IL10RA: variants seen among roughly 807,000 people sequenced by gnomAD.
The protein encoded by IL10RA is interleukin 10 receptor subunit alpha, also known as interleukin-10 receptor subunit alpha.
Under a neutral mutation model 29.6 loss-of-function variants are expected in IL10RA, and 18 were observed. That is an observed-to-expected ratio of 0.61 (90% confidence interval 0.42 to 0.90). IL10RA has a LOEUF of 0.90. Ranked by LOEUF, IL10RA falls within the 40% of genes least tolerant of loss-of-function variation. The pLI, the probability that IL10RA is intolerant of heterozygous loss-of-function variation, is 0.00. For synonymous variants in IL10RA, 292 were observed against 294.1 expected, an observed-to-expected ratio of 0.99 and a Z score of 0.07; for missense variants, 634 against 716.6, an observed-to-expected ratio of 0.88 and a Z score of 1.32.
At position 117,995,702 on chromosome 11, in the gene IL10RA, A is replaced by G. The variant is rs2058051810; in HGVS notation, c.802A>G (p.Ser268Gly). The change falls in exon 6 of 7, where the codon AGT becomes GGT. Residue 268 changes from serine (S) to glycine (G), a missense_variant. Physicochemically the swap from Ser to Gly is moderately conservative, Grantham distance 56 (BLOSUM62 0). Coordinates refer to ENST00000227752, the MANE Select transcript of IL10RA (RefSeq NM_001558.4). ...LYVRRRKKLP[S>G]VLLFKKPSPF... Reference sequence around the variant, plus strand: ...TGTGCGGCGCCGAAAGAAGCTACCCAGTGTCCTGGTGAGTCTTGCAAGGAG... The same window carrying G: ...TGTGCGGCGCCGAAAGAAGCTACCCGGTGTCCTGGTGAGTCTTGCAAGGAG... 1 of 1,613,486 alleles carries G rather than the reference A, an allele frequency of 6.2e-7. No homozygotes were observed. Among genetic ancestry groups the G allele is most frequent in the African/African-American group, 1.3e-5 (1 of 75,016 alleles).
Position 117,989,344 on chromosome 11 carries a change from C to A in IL10RA, c.189-98C>A. ...GCCTGAGGGCTGTCCCAGTTTCTCC[C>A]AATGTGGGAGCTCTCTTCCTGGCCT... On this transcript the variant is annotated intron_variant, in intron 2 of 6. Transcript: ENST00000227752. The surrounding 1 kb of genome is among the most constrained non-coding windows in gnomAD (Gnocchi z 4.5). 9.1e-7 allele frequency: 1 copy of A among 1,093,538 alleles called. No individual in the cohort carries two copies. The highest frequency in any genetic ancestry group is 2.4e-5 in the East Asian group (1 of 42,488). The allele number at this position is 1,093,538 out of a possible 1,614,324, so 67.7% of individuals were successfully genotyped here. A position where few individuals can be genotyped will look rare whatever the true frequency, so the allele number is the denominator to read the frequency against.
intron 5 of IL10RA, chr11:117,995,221 C>T: frequency 5.5e-6 from 2 of 363,522 alleles, no homozygotes; most frequent in Non-Finnish European, 1.1e-5. Context: ...AATTTGTCCA[C>T]AATTGCACAG....
Position 118,000,992 on chromosome 11 carries a change from C to T in IL10RA, c.*1351C>T, listed in dbSNP as rs1330302339. 6.6e-6 allele frequency: 3 copies of T among 454,180 alleles called. No homozygotes were observed. Among genetic ancestry groups the T allele is most frequent in the Non-Finnish European group, 8.8e-6 (2 of 226,772 alleles). The allele number at this position is 454,180 out of a possible 1,614,324, so 28.1% of individuals were successfully genotyped here. On this transcript the variant is annotated 3_prime_UTR_variant, in exon 7 of 7. Transcript: ENST00000227752. Reference sequence around the variant, plus strand: ...GAAGCTGTGAGGGGACAGGCCTGTGCGTGCCATCCAGAGTCATCTCAGCCC... The same window carrying T: ...GAAGCTGTGAGGGGACAGGCCTGTGTGTGCCATCCAGAGTCATCTCAGCCC...
At position 117,999,362 on chromosome 11, in the gene IL10RA, C is replaced by T. The variant is rs1391016354; in HGVS notation, c.1458C>T (p.Gly486=). 1.9e-6 allele frequency: 3 copies of T among 1,614,176 alleles called. No homozygotes were observed. The highest frequency in any genetic ancestry group is 1.7e-6 in the Non-Finnish European group (2 of 1,180,026). The change falls in exon 7 of 7, where the codon GGC becomes GGT. Residue 486 remains glycine (G), a synonymous_variant. Transcript: ENST00000227752. ...GGAGATGCCTGGTTGATGAGGCAGG[C>T]TTGCATCCACCAGCCCTGGCCAAGG... ...KFGRCLVDEA[G]LHPPALAKGY...
At chr11:118,001,745 G>A (rs1171213932), downstream of IL10RA, 1 of 239,672 alleles carries the variant, frequency 4.2e-6, no homozygotes, top group African/African-American at 2.2e-5. Context: ...ATGTTGTGAG[G>A]TGTAAATGAA....
chr11:117,995,252 G>T (rs925108602), intron 5 of IL10RA: 7 of 390,744 alleles, frequency 1.8e-5, no homozygotes, highest in African/African-American at 1.5e-4. Flanking sequence ...GTGAAGCTGG[G>T]ACTTGAACCC....
intron 5 of IL10RA, 180 bp downstream of exon 5, chr11:117,994,329 G>A: frequency 1.6e-6 from 1 of 606,102 alleles, no homozygotes. Context: ...AGGGAACTGA[G>A]GCTCAGTATT....
intron 6 of IL10RA, among the ~76,000 whole-genome samples, chr11:117,997,791 G>T (rs2058065416): frequency 6.6e-6 from 1 of 152,240 alleles, no homozygotes; most frequent in Admixed American, 6.5e-5. Flanking sequence ...CTAGGAAGAA[G>T]TAACAGGGTT....
chr11:117,988,097 C>T (rs2057998477), intron 1 of IL10RA: 24 of 481,482 alleles, frequency 5.0e-5, no homozygotes, highest in South Asian at 4.7e-4. Flanking sequence ...CTTGCTTAGC[C>T]CTCGGCCCCT....
In IL10RA at chr11:117,999,063, T is replaced by TGGGAGCAACAGGTG; in HGVS notation, c.1171_1184dup (p.Ser395ArgfsTer16). The TGGGAGCAACAGGTG allele has an allele frequency of 6.2e-7, 1 of 1,611,844 alleles. No individual in the cohort carries two copies. Among genetic ancestry groups the TGGGAGCAACAGGTG allele is most frequent in the Non-Finnish European group, 8.5e-7 (1 of 1,178,122 alleles). ...CCTGAGCCCCAGCACAGGGCCCACC[T>TGGGAGCAACAGGTG]GGGAGCAACAGGTGGGGAGCAACAG... is the stretch of plus-strand genomic sequence containing the variant. On this transcript the variant is annotated frameshift_variant, in exon 7 of 7. Transcript: ENST00000227752. LOFTEE classifies it low-confidence loss of function (END_TRUNC).
intron 2 of IL10RA, 68 bp downstream of exon 2, chr11:117,988,570 A>C (rs2058003179): frequency 1.3e-6 from 2 of 1,577,778 alleles, no homozygotes; most frequent in African/African-American, 1.3e-5. Context: ...CTCTCCTAGC[A>C]TGGGAAGATA....
chr11:117,995,237 A>G, intron 5 of IL10RA: 1 of 377,084 alleles, frequency 2.7e-6, no homozygotes, highest in Non-Finnish European at 5.1e-6. Flanking sequence ...CACAGCTAGT[A>G]AGTGGTGAAG....
intron 1 of IL10RA, 77 bp from the exon 2 acceptor site, chr11:117,988,305 C>G: frequency 6.3e-7 from 1 of 1,596,814 alleles, no homozygotes; most frequent in African/African-American, 1.3e-5. Context: ...CTGAACCTCC[C>G]TTTCTTCTTT....
In IL10RA at chr11:117,993,414, T is replaced by C. The variant is rs2058037218; in HGVS notation, c.537+4T>C. The C allele has an allele frequency of 6.2e-7, 1 of 1,613,810 alleles. No individual in the cohort carries two copies. The highest frequency in any genetic ancestry group is 1.3e-5 in the African/African-American group (1 of 75,064). ...CAAGGTGCCGGGAAACTTCACGGTA[T>C]GGGGTTCCCCAAGGCCCCAGGGCCA... is the stretch of plus-strand genomic sequence containing the variant. On this transcript the variant is annotated splice_donor_region_variant and intron_variant, in intron 4 of 6. Coordinates refer to ENST00000227752, the MANE Select transcript of IL10RA (RefSeq NM_001558.4).
chr11:117,992,415 G>A (rs1309993231), intron 3 of IL10RA, among the ~76,000 whole-genome samples: 2 of 152,142 alleles, frequency 1.3e-5, no homozygotes, highest in African/African-American at 4.8e-5. Context: ...GTATCTCATT[G>A]TGGTTTTAAT....
rs894866852 is a variant in IL10RA at position 118,001,463 on chromosome 11, A to C, written c.*1822A>C. 1.2e-5 allele frequency: 5 copies of C among 428,446 alleles called. No homozygotes were observed. The highest frequency in any genetic ancestry group is 2.3e-5 in the Non-Finnish European group (5 of 213,824). 26.5% of individuals were successfully genotyped at this position (428,446 alleles called of 1,614,324 possible). A position where few individuals can be genotyped will look rare whatever the true frequency, so the allele number is the denominator to read the frequency against. ...AGTGATACATGTTTTTTATTCCAAT[A>C]AATTGTCAAGACCACAGGAATCGTG... On this transcript the variant is annotated 3_prime_UTR_variant, in exon 7 of 7. Coordinates refer to ENST00000227752, the MANE Select transcript of IL10RA (RefSeq NM_001558.4).
chr11:117,995,757 C>T lies in IL10RA; in HGVS notation c.810+47C>T, dbSNP rs778675231. 3.2e-5 allele frequency: 52 copies of T among 1,602,586 alleles called. No individual in the cohort carries two copies. The South Asian group carries it at 3.6e-4, about 11-fold the overall frequency. On this transcript the variant is annotated intron_variant, in intron 6 of 6. Coordinates refer to ENST00000227752, the MANE Select transcript of IL10RA (RefSeq NM_001558.4). Reference sequence around the variant, plus strand: ...CTGCCCCGTCCTTCCCAGCCACACCCGAGCTTCCAGGAGGGCAGGGAGCTC... The same window carrying T: ...CTGCCCCGTCCTTCCCAGCCACACCTGAGCTTCCAGGAGGGCAGGGAGCTC...
At position 117,993,339 on chromosome 11, in the gene IL10RA, A is replaced by T; in HGVS notation, c.466A>T (p.Thr156Ser). ...PRPKMAPAND[T>S]YESIFSHFRE... ...GCCCAAGATGGCCCCCGCAAATGAC[A>T]CATATGAAAGCATCTTCAGTCACTT... The change falls in exon 4 of 7, where the codon ACA becomes TCA. Residue 156 changes from threonine to serine, a missense_variant. Transcript: ENST00000227752. 6.2e-7 allele frequency: 1 copy of T among 1,613,990 alleles called. No homozygotes were observed. The highest frequency in any genetic ancestry group is 8.5e-7 in the Non-Finnish European group (1 of 1,179,818).
In IL10RA at chr11:117,986,451, G is replaced by C. The variant is rs368849726; in HGVS notation, c.-17G>C. The stretch of plus-strand genomic sequence containing the variant: ...GGCCGGCTCCGCTCCGGCCCCGGAC[G>C]ATGCGGCGCGCCCAGGATGCTGCCG... On this transcript the variant is annotated 5_prime_UTR_variant, in exon 1 of 7. Transcript: ENST00000227752. 6.4e-7 allele frequency: 1 copy of C among 1,550,440 alleles called. No homozygotes were observed. Among genetic ancestry groups the C allele is most frequent in the South Asian group, 1.2e-5 (1 of 84,082 alleles).
Sources: gnomAD v4.1 joint callset for allele counts (sites outside exome capture counted in the v4.1 genomes callset) on GRCh38, gnomAD v4.1.1 for gene constraint, Gnocchi (gnomAD v3.1) non-coding constraint, MANE v1.5 for transcripts, NCBI Gene and HGNC (gene_info 2026-07-23, HGNC 2026-07-21) for gene names.